CACNA2D3: variants seen among roughly 807,000 people sequenced by gnomAD.
CACNA2D3 encodes the protein calcium voltage-gated channel auxiliary subunit alpha2delta 3, also known as voltage-dependent calcium channel subunit alpha-2/delta-3.
A neutral mutation model predicts 160.6 loss-of-function variants in CACNA2D3; 60 were observed. The observed-to-expected ratio is 0.37, with a 90% CI of 0.30 to 0.46. CACNA2D3 has a LOEUF of 0.46. Among genes scored for constraint, CACNA2D3 ranks in the 20% least tolerant of loss-of-function variants. The probability of loss-of-function intolerance (pLI) is 1.00; values close to 1 mark genes in which losing one functional copy is unlikely to be tolerated. For synonymous variants in CACNA2D3, 558 were observed against 492.9 expected, an observed-to-expected ratio of 1.13 and a Z score of -1.75; for missense variants, 1,205 against 1,365.0, an observed-to-expected ratio of 0.88 and a Z score of 1.85.
intron 9 of CACNA2D3, among the ~76,000 whole-genome samples, chr3:54,582,631 C>T (rs1239978788): frequency 6.6e-6 from 1 of 152,204 alleles, no homozygotes; most frequent in East Asian, 1.9e-4. Flanking sequence ...TCACAGCTGC[C>T]ATTGCCCATG....
chr3:54,178,409 C>T (rs1279829696), intron 2 of CACNA2D3, among the ~76,000 whole-genome samples: 1 of 152,140 alleles, frequency 6.6e-6, no homozygotes, highest in Non-Finnish European at 1.5e-5. Context: ...TCTGGTCTCC[C>T]AAGGTGGACA....
At chr3:54,897,091 A>G (rs1363679742) in intron 26 of CACNA2D3, 7 of 509,576 alleles carry the variant, frequency 1.4e-5, no homozygotes, top group Non-Finnish European at 2.4e-5. Context: ...ATGTAAATGT[A>G]TTTCAGGAAG....
At chr3:54,692,132 C>T (rs1380991830) in intron 11 of CACNA2D3, among the ~76,000 whole-genome samples, 2 of 152,134 alleles carry the variant, frequency 1.3e-5, no homozygotes, top group Non-Finnish European at 2.9e-5. Flanking sequence ...CGCCACCATG[C>T]CCAGCTAATT....
chr3:54,375,816 G>C (rs1699002952), intron 3 of CACNA2D3, among the ~76,000 whole-genome samples: 1 of 152,104 alleles, frequency 6.6e-6, no homozygotes. Context: ...TTAGGATGCT[G>C]AGGGTTTCCA....
chr3:54,529,541 C>T (rs907813039), intron 5 of CACNA2D3, among the ~76,000 whole-genome samples: 3 of 152,292 alleles, frequency 2.0e-5, no homozygotes, highest in Middle Eastern at 3.4e-3. Context: ...GTCTGGCCTT[C>T]GGTTTCCTTA....
chr3:54,189,565 T>C (rs962138908), intron 2 of CACNA2D3, among the ~76,000 whole-genome samples: 1 of 152,202 alleles, frequency 6.6e-6, no homozygotes, highest in Middle Eastern at 3.4e-3. Flanking sequence ...TAGTTGAATA[T>C]GCTGTGTGAG....
At chr3:54,442,401 G>A (rs150650649) in intron 4 of CACNA2D3, among the ~76,000 whole-genome samples, 2 of 152,258 alleles carry the variant, frequency 1.3e-5, no homozygotes, top group Non-Finnish European at 2.9e-5. Context: ...GCTTGGAGGT[G>A]TAGCAGCCAT....
chr3:54,831,171 C>T (rs1703869514), intron 14 of CACNA2D3, among the ~76,000 whole-genome samples: 1 of 152,160 alleles, frequency 6.6e-6, no homozygotes, highest in African/African-American at 2.4e-5. Context: ...GCTGAGTCCA[C>T]CATTTGTGCA....
chr3:54,986,584 G>A (rs1415654752), intron 30 of CACNA2D3, among the ~76,000 whole-genome samples: 1 of 152,128 alleles, frequency 6.6e-6, no homozygotes, highest in African/African-American at 2.4e-5. Context: ...TTTACATTTT[G>A]CCAAAGTTTA....
intron 9 of CACNA2D3, among the ~76,000 whole-genome samples, chr3:54,615,741 A>G (rs1698835855): frequency 6.6e-6 from 1 of 152,152 alleles, no homozygotes; most frequent in Non-Finnish European, 1.5e-5. Context: ...TAATAGCTAA[A>G]ACAGGGGTCC....
intron 27 of CACNA2D3, 32 bp downstream of exon 27, chr3:54,899,900 G>GTAAGC: frequency 6.8e-7 from 1 of 1,480,386 alleles, no homozygotes. Context: ...TGAAGACAAA[G>GTAAGC]TAAGCATGGC....
intron 9 of CACNA2D3, among the ~76,000 whole-genome samples, chr3:54,587,633 C>T (rs1851048): frequency 0.28 from 42,858 of 151,876 alleles, 6,862 homozygotes; most frequent in South Asian, 0.4. Context: ...AAACAAGAGA[C>T]GCCAGTACTG....
chr3:54,391,230 T>C (rs1465130161), intron 4 of CACNA2D3, among the ~76,000 whole-genome samples: 1 of 152,200 alleles, frequency 6.6e-6, no homozygotes, highest in African/African-American at 2.4e-5. Flanking sequence ...TACAACTCCT[T>C]TATTATTACA....
At chr3:54,447,634 C>T (rs1700243389) in intron 4 of CACNA2D3, among the ~76,000 whole-genome samples, 1 of 152,218 alleles carries the variant, frequency 6.6e-6, no homozygotes, top group South Asian at 2.1e-4. Flanking sequence ...CTCCTGCTGA[C>T]ATTCAGGCAG....
chr3:54,131,351 G>C (rs373693825), intron 2 of CACNA2D3, among the ~76,000 whole-genome samples: 50 of 152,304 alleles, frequency 3.3e-4, no homozygotes, highest in African/African-American at 1.2e-3. Flanking sequence ...GAGCATGGGG[G>C]GAGATGCCCA....
chr3:54,195,124 A>G (rs183512526), intron 2 of CACNA2D3, among the ~76,000 whole-genome samples: 1 of 152,286 alleles, frequency 6.6e-6, no homozygotes, highest in African/African-American at 2.4e-5. Flanking sequence ...GTTTCCTAAT[A>G]TGCACATTCC....
intron 17 of CACNA2D3, among the ~76,000 whole-genome samples, chr3:54,848,330 G>A (rs1372291150): frequency 6.6e-6 from 1 of 152,196 alleles, no homozygotes; most frequent in Non-Finnish European, 1.5e-5. Flanking sequence ...TGCCATTGCT[G>A]TTCTTCTGTT....
At chr3:54,641,122 G>T (rs1470296045) in intron 10 of CACNA2D3, among the ~76,000 whole-genome samples, 1 of 152,152 alleles carries the variant, frequency 6.6e-6, no homozygotes, top group African/African-American at 2.4e-5. Context: ...GTGTCCTGGG[G>T]TGCAGCCTCA....
At chr3:55,053,208 C>T (rs114913956) in intron 35 of CACNA2D3, among the ~76,000 whole-genome samples, 2,402 of 152,016 alleles carry the variant, frequency 0.016, 56 homozygotes, top group African/African-American at 0.055. Flanking sequence ...TTGTCACTAT[C>T]GATGAGCTTG....
Sources: allele counts gnomAD v4.1 joint callset (sites outside exome capture counted in the v4.1 genomes callset), GRCh38; gene constraint gnomAD v4.1.1; transcripts MANE v1.5; gene names NCBI Gene and HGNC (gene_info 2026-07-23, HGNC 2026-07-21).